Variants in ANO1 observed in about 807,000 individuals in gnomAD.
ANO1 encodes anoctamin-1.
Under a neutral mutation model 124.0 loss-of-function variants are expected in ANO1, and 59 were observed. The ratio of observed to expected loss-of-function variants is 0.48; its 90% confidence interval spans 0.39 to 0.59. The LOEUF (loss-of-function observed/expected upper bound fraction) is 0.59. Among genes scored for constraint, ANO1 ranks in the 20% least tolerant of loss-of-function variants. The pLI is 0.00. For missense variants in ANO1, 1,059 were observed against 1,328.0 expected (o/e 0.80, Z 3.15); for synonymous variants, 529 against 532.0 (o/e 0.99, Z 0.08).
In ANO1 at chr11:70,161,248, G is replaced by A. The variant is rs201870990; in HGVS notation, c.1666G>A (p.Val556Met). Residue 556 changes from valine (V) to methionine (M), a missense_variant, in exon 17 of 26, where the codon GTG becomes ATG. By Grantham distance (21) the Val-to-Met change is conservative (BLOSUM62 1). This residue lies in a region of ANO1 where 809 missense variants were observed against 1,094.9 expected (regional missense o/e 0.74). Transcript: ENST00000355303. ...AALAMNSSPSVRSNIRVTVTA... is the reference protein window; with the variant it reads ...AALAMNSSPSMRSNIRVTVTA... ...CTTGGCCATGAACTCCTCCCCCTCC[G>A]TGCGGTCCAACATCCGGGTCACAGT... 4.9e-3 allele frequency: 7,833 copies of A among 1,613,848 alleles called. 23 individuals carry two copies. The highest frequency in any genetic ancestry group is 6.3e-3 in the Non-Finnish European group (7,403 of 1,179,784).
At chr11:70,085,631 G>T in intron 1 of ANO1, 1 of 1,533,352 alleles carries the variant, frequency 6.5e-7, no homozygotes, top group Non-Finnish European at 8.7e-7. Flanking sequence ...CTAACCAGGG[G>T]TAGAGGAGTC....
chr11:70,010,179 G>GTGTGTGTATATATATATATATATA lies in ANO1; in HGVS notation c.58+24014_58+24015insGTGTGTATATATATATATATATAT. On this transcript the variant is annotated intron_variant, in intron 1 of 27. Transcript: ENST00000531349. ...TGTGTGTGTGTGCGCGTGTGTGTGTGTATATATATATATATATATCACATT... is the reference window on the plus strand; with the variant it reads ...TGTGTGTGTGTGCGCGTGTGTGTGTGTGTGTGTATATATATATATATATATATATATATATATATATATCACATT... Among the ~76,000 whole-genome samples, 276 of 83,744 alleles carry GTGTGTGTATATATATATATATATA rather than the reference G, an allele frequency of 3.3e-3. 16 individuals are homozygous for GTGTGTGTATATATATATATATATA. Among genetic ancestry groups the GTGTGTGTATATATATATATATATA allele is most frequent in the Non-Finnish European group, 4.9e-3 (204 of 41,474 alleles). 54.9% of individuals were successfully genotyped at this position (83,744 alleles called of 152,430 possible).
At chr11:70,117,092 GTTTC>G (rs200232761) in intron 8 of ANO1, among the ~76,000 whole-genome samples, 54,700 of 115,702 alleles carry the variant, frequency 0.47, 13,224 homozygotes, top group Admixed American at 0.55. Flanking sequence ...TTTTTTCTTT[GTTTC>G]TTTCTTTTTT....
rs368924999 is a variant in ANO1 at position 70,185,700 on chromosome 11, G to A, written c.2694+5G>A. ...GCGTTTGTCATCGTCTTCCAGGTGC[G>A]GTGGGTCCCTCTTTGTTTCCGGTTT... On this transcript the variant is annotated splice_donor_5th_base_variant and intron_variant, in intron 25 of 25. Transcript: ENST00000355303. 22 of 1,613,332 alleles carry A rather than the reference G, an allele frequency of 1.4e-5. No homozygotes were observed. The highest frequency in any genetic ancestry group is 2.2e-5 in the East Asian group (1 of 44,872).
chr11:70,162,097 G>A (rs192887484), intron 18 of ANO1, among the ~76,000 whole-genome samples: 6 of 142,418 alleles, frequency 4.2e-5, no homozygotes, highest in Admixed American at 1.4e-4. Context: ...GTGAGGACCC[G>A]GGAGTGAGGG....
intron 11 of ANO1, among the ~76,000 whole-genome samples, chr11:70,135,189 C>G (rs993091696): frequency 6.6e-6 from 1 of 152,068 alleles, no homozygotes; most frequent in South Asian, 2.1e-4. Flanking sequence ...TGATTTCATC[C>G]GTCTGTTTCC....
chr11:70,119,372 G>A (rs2046150182), intron 8 of ANO1, among the ~76,000 whole-genome samples: 1 of 150,498 alleles, frequency 6.6e-6, no homozygotes, highest in African/African-American at 2.4e-5. Context: ...ATGAATGATG[G>A]ATGGATGGGT....
chr11:70,090,812 A>T (rs1374007145), intron 2 of ANO1, among the ~76,000 whole-genome samples: 4 of 152,234 alleles, frequency 2.6e-5, no homozygotes, highest in African/African-American at 9.6e-5. Flanking sequence ...CAAGGGCTAA[A>T]AGAGGCTTTT....
At chr11:70,134,693 G>T (rs746468962) in intron 11 of ANO1, among the ~76,000 whole-genome samples, 1 of 152,228 alleles carries the variant, frequency 6.6e-6, no homozygotes, top group Admixed American at 6.5e-5. Context: ...GGATGTGCAC[G>T]TGCCTGGTGT....
intron 2 of ANO1, among the ~76,000 whole-genome samples, chr11:70,089,323 C>T (rs1190270662): frequency 6.6e-6 from 1 of 152,210 alleles, no homozygotes; most frequent in Non-Finnish European, 1.5e-5. Context: ...CCACCATGTC[C>T]TTAAATGCTT....
At chr11:70,013,116 T>A (rs1234355739) in intron 1 of ANO1, among the ~76,000 whole-genome samples, 1 of 152,160 alleles carries the variant, frequency 6.6e-6, no homozygotes, top group African/African-American at 2.4e-5. Context: ...ACCTGAAGGA[T>A]GAGTAGAAAC....
At chr11:70,124,159 G>C (rs1167776828) in intron 8 of ANO1, among the ~76,000 whole-genome samples, 191 bp from the exon 9 acceptor site, 1 of 152,172 alleles carries the variant, frequency 6.6e-6, no homozygotes, top group Non-Finnish European at 1.5e-5. Flanking sequence ...ATCACAAAGA[G>C]CTCACATTCC....
At chr11:70,082,847 A>G (rs2044245048) in intron 1 of ANO1, among the ~76,000 whole-genome samples, 1 of 152,204 alleles carries the variant, frequency 6.6e-6, no homozygotes, top group Non-Finnish European at 1.5e-5. Flanking sequence ...GACTCTCTCC[A>G]AGCCCAGCTC....
At chr11:70,098,050 G>A (rs573171322) in intron 2 of ANO1, among the ~76,000 whole-genome samples, 1 of 152,368 alleles carries the variant, frequency 6.6e-6, no homozygotes, top group South Asian at 2.1e-4. Flanking sequence ...GGCAGAGAAT[G>A]TGAACCCCTT....
intron 1 of ANO1, among the ~76,000 whole-genome samples, chr11:70,022,293 C>T (rs1217219488): frequency 6.6e-6 from 1 of 152,146 alleles, no homozygotes; most frequent in African/African-American, 2.4e-5. Flanking sequence ...ACAGTAGGTG[C>T]TCAATAAGGA....
At chr11:69,996,665 C>T (rs570725379) in intron 1 of ANO1, among the ~76,000 whole-genome samples, 1 of 152,260 alleles carries the variant, frequency 6.6e-6, no homozygotes, top group Non-Finnish European at 1.5e-5. Context: ...GAGTGATATT[C>T]CTCAGGTCAC....
upstream of ANO1, among the ~76,000 whole-genome samples, chr11:70,074,132 G>A (rs7102214): frequency 0.062 from 9,463 of 152,266 alleles, 318 homozygotes; most frequent in Middle Eastern, 0.12. Context: ...TACGCGGGTT[G>A]CCGGGCAGCA....
intron 1 of ANO1, among the ~76,000 whole-genome samples, chr11:70,032,885 A>C (rs1857027720): frequency 6.6e-6 from 1 of 151,866 alleles, no homozygotes; most frequent in Non-Finnish European, 1.5e-5. Context: ...AAAGAGAAGG[A>C]GGGAGAGAGA....
chr11:70,179,883 C>T, intron 22 of ANO1, 121 bp from the exon 23 acceptor site: 1 of 883,982 alleles, frequency 1.1e-6, no homozygotes, highest in East Asian at 2.5e-5. Context: ...TGCCATAAGC[C>T]TCTGACTGCT....
Sources: gnomAD v4.1 joint callset for allele counts (sites outside exome capture counted in the v4.1 genomes callset) on GRCh38, gnomAD v4.1.1 for gene constraint, gnomAD v4.1.1 regional missense constraint, MANE v1.5 for transcripts, NCBI Gene and HGNC (gene_info 2026-07-23, HGNC 2026-07-21) for gene names.